The following TBL1X variants were observed in gnomAD, a reference collection of about 807,000 sequenced individuals.
TBL1X encodes transducin beta like 1 X-linked, also known as F-box-like/WD repeat-containing protein TBL1X.
A neutral mutation model predicts 50.7 loss-of-function variants in TBL1X; 10 were observed. The ratio of observed to expected loss-of-function variants is 0.20; its 90% CI spans 0.12 to 0.33. The LOEUF (loss-of-function observed/expected upper bound fraction) is 0.33, where lower values mean the gene tolerates loss of function less well. Among genes scored for constraint, TBL1X ranks in the 10% least tolerant of loss-of-function variants. The pLI, the probability that TBL1X is intolerant of heterozygous loss-of-function variation, is 1.00. For synonymous variants in TBL1X, 190 were observed against 214.7 expected (o/e 0.88, Z 1.01); for missense variants, 340 against 504.4 (o/e 0.67, Z 3.12).
intron 5 of TBL1X, among the ~76,000 whole-genome samples, chrX:9,675,597 G>A (rs1291603589): frequency 6.3e-5 from 7 of 111,550 alleles, no homozygotes; most frequent in Non-Finnish European, 1.3e-4. Flanking sequence ...AAATTAAGAC[G>A]CACAGGCCAG....
In TBL1X at chrX:9,692,511, G is replaced by A. The variant is rs962588274; in HGVS notation, c.891+257G>A. Reference sequence around the variant, plus strand: ...CAACTTCTGCCTCCTGGGTTCAAGCGATTCTCTTTCCTCAGCTTCCCGAAT... The same window carrying A: ...CAACTTCTGCCTCCTGGGTTCAAGCAATTCTCTTTCCTCAGCTTCCCGAAT... On this transcript the variant is annotated intron_variant, in intron 9 of 17. Coordinates refer to ENST00000645353, the MANE Select transcript of TBL1X (RefSeq NM_005647.4). Among the ~76,000 whole-genome samples, 4 of 112,357 alleles carry A rather than the reference G, an allele frequency of 3.6e-5. No individual in the cohort carries two copies. In the East Asian group the frequency reaches 8.4e-4, roughly 24 times the overall value.
chrX:9,536,814 C>T (rs757173398), intron 2 of TBL1X, among the ~76,000 whole-genome samples: 9 of 111,300 alleles, frequency 8.1e-5, no homozygotes, highest in Non-Finnish European at 1.3e-4. Flanking sequence ...TGAAATTACC[C>T]GGAGGTCAAA....
chrX:9,586,778 T>C (rs1412761256), intron 2 of TBL1X, among the ~76,000 whole-genome samples: 22 of 111,418 alleles, frequency 2.0e-4, no homozygotes, highest in Admixed American at 1.4e-3. Flanking sequence ...TGCATGCCTT[T>C]AGTCCCAGCT....
At chrX:9,548,794 T>C (rs1245705088) in intron 2 of TBL1X, among the ~76,000 whole-genome samples, 1 of 112,769 alleles carries the variant, frequency 8.9e-6, no homozygotes, top group Non-Finnish European at 1.9e-5. Context: ...TTAGTGTTCT[T>C]GGAATTAGAA....
intron 1 of TBL1X, among the ~76,000 whole-genome samples, chrX:9,470,307 A>G (rs2081805556): frequency 8.9e-6 from 1 of 112,642 alleles, no homozygotes; most frequent in African/African-American, 3.2e-5. Flanking sequence ...GAGTCTCACT[A>G]TGTCGCCCAG....
chrX:9,539,776 A>G (rs2082206114), intron 2 of TBL1X, among the ~76,000 whole-genome samples: 1 of 111,968 alleles, frequency 8.9e-6, no homozygotes, highest in African/African-American at 3.3e-5. Context: ...AGCTCAGTCA[A>G]ACAGGTGAAG....
At chrX:9,611,543 A>G (rs1166616622) in intron 2 of TBL1X, among the ~76,000 whole-genome samples, 7 of 112,379 alleles carry the variant, frequency 6.2e-5, no homozygotes, top group South Asian at 3.7e-4. Flanking sequence ...TGATTCCCCA[A>G]TGCTTGTAAG....
intron 2 of TBL1X, among the ~76,000 whole-genome samples, chrX:9,631,907 C>G (rs1407570667): frequency 2.7e-5 from 3 of 112,607 alleles, no homozygotes; most frequent in African/African-American, 9.7e-5. Context: ...AGTGAATTCT[C>G]TCTGCTTTTG....
chrX:9,661,718 G>A (rs1320518769), intron 5 of TBL1X, among the ~76,000 whole-genome samples: 1 of 111,115 alleles, frequency 9.0e-6, no homozygotes, highest in African/African-American at 3.3e-5. Flanking sequence ...AACACGCAGC[G>A]AGGTTATACT....
In TBL1X at chrX:9,719,435, G is replaced by A. The variant is rs377297311; in HGVS notation, c.*3189G>A. On this transcript the variant is annotated 3_prime_UTR_variant, in exon 18 of 18. Coordinates refer to ENST00000645353, the MANE Select transcript of TBL1X (RefSeq NM_005647.4). ...CCATTTAAAAAAAGAAAAAAAAAAA[G>A]CTTATGTTTCTTGTCAAATGCAGAA... The A allele has an allele frequency of 3.3e-4, 37 of 111,011 alleles. No individual in the cohort carries two copies. In the East Asian group the frequency reaches 8.5e-3, roughly 25 times the overall value. The allele number at this position is 111,011 out of a possible 1,213,427, so 9.1% of individuals were successfully genotyped here. A position where few individuals can be genotyped will look rare whatever the true frequency, so the allele number is the denominator to read the frequency against.
At chrX:9,608,685 C>T (rs1267149729) in intron 2 of TBL1X, among the ~76,000 whole-genome samples, 1 of 112,078 alleles carries the variant, frequency 8.9e-6, no homozygotes, top group African/African-American at 3.2e-5. Flanking sequence ...TGGTTTTTGT[C>T]GAAAAAATAA....
chrX:9,486,626 A>G (rs1244670363), intron 1 of TBL1X, among the ~76,000 whole-genome samples: 1 of 75,710 alleles, frequency 1.3e-5, no homozygotes, highest in Non-Finnish European at 2.6e-5. Context: ...AAGTCTTCCC[A>G]CCTTTCTGGA....
chrX:9,466,976 G>C (rs1222444484), intron 1 of TBL1X, among the ~76,000 whole-genome samples: 4 of 111,860 alleles, frequency 3.6e-5, no homozygotes, highest in Non-Finnish European at 7.5e-5. Context: ...TTGTGGTGTA[G>C]TGCTGCCACC....
intron 13 of TBL1X, among the ~76,000 whole-genome samples, 158 bp downstream of exon 13, chrX:9,705,272 G>A (rs1054009018): frequency 3.6e-5 from 4 of 112,101 alleles, no homozygotes; most frequent in East Asian, 5.6e-4. Context: ...GGTAACCATG[G>A]TGGTTGGATT....
intron 16 of TBL1X, among the ~76,000 whole-genome samples, chrX:9,713,421 C>CTTTT (rs757107084): frequency 0.02 from 1,742 of 86,568 alleles, 38 homozygotes; most frequent in East Asian, 0.072. Flanking sequence ...ATCCTTAGGA[C>CTTTT]TTTTCTTTTT....
chrX:9,655,521 A>G (rs1037297541), intron 5 of TBL1X, among the ~76,000 whole-genome samples: 2 of 112,051 alleles, frequency 1.8e-5, no homozygotes, highest in Non-Finnish European at 3.8e-5. Context: ...AAATAGTGTC[A>G]CATTCTGAGG....
chrX:9,684,637 T>A (rs1253684611), intron 6 of TBL1X, among the ~76,000 whole-genome samples: 1 of 94,715 alleles, frequency 1.1e-5, no homozygotes, highest in Non-Finnish European at 2.1e-5. Flanking sequence ...GAAAGTAAGT[T>A]GGGTTCTTTT....
intron 5 of TBL1X, among the ~76,000 whole-genome samples, chrX:9,679,918 G>A (rs1349510532): frequency 8.9e-6 from 1 of 111,853 alleles, no homozygotes. Context: ...TAGTTAGTAT[G>A]GGCTATAACC....
intron 1 of TBL1X, among the ~76,000 whole-genome samples, chrX:9,500,576 A>G (rs1362662768): frequency 8.9e-6 from 1 of 112,279 alleles, no homozygotes; most frequent in Non-Finnish European, 1.9e-5. Flanking sequence ...AGCCTGAGCA[A>G]CAAGAGCAAG....
Sources: gnomAD v4.1 joint callset for allele counts (sites outside exome capture counted in the v4.1 genomes callset) on GRCh38, gnomAD v4.1.1 for gene constraint, MANE v1.5 for transcripts, NCBI Gene and HGNC (gene_info 2026-07-23, HGNC 2026-07-21) for gene names.